The following EFL1 variants were observed in gnomAD, a reference collection of about 807,000 sequenced individuals.
The protein encoded by EFL1 is elongation factor-like GTPase 1.
In EFL1, 76 loss-of-function variants were observed where a neutral mutation model predicts 126.7. The observed-to-expected ratio is 0.60, with a 90% CI of 0.50 to 0.73. The LOEUF (loss-of-function observed/expected upper bound fraction) is 0.73. Ranked by LOEUF, EFL1 falls within the 30% of genes least tolerant of loss-of-function variation. The pLI, the probability that EFL1 is intolerant of heterozygous loss-of-function variation, is 0.00. For missense variants in EFL1, 1,128 were observed against 1,343.2 expected, an observed-to-expected ratio of 0.84 and a Z score of 2.50; for synonymous variants, 410 against 448.4, an observed-to-expected ratio of 0.91 and a Z score of 1.08.
intron 19 of EFL1, among the ~76,000 whole-genome samples, chr15:82,132,685 G>GA (rs1441481622): frequency 3.7e-5 from 4 of 109,302 alleles, no homozygotes; most frequent in Non-Finnish European, 8.1e-5. Flanking sequence ...AGGAATTGGG[G>GA]GGGGGGGGGG....
intron 19 of EFL1, among the ~76,000 whole-genome samples, 198 bp from the exon 20 acceptor site, chr15:82,130,759 G>A (rs1376631741): frequency 6.6e-6 from 1 of 152,188 alleles, no homozygotes; most frequent in African/African-American, 2.4e-5. Flanking sequence ...AGCACTTTGG[G>A]AGCCAAGGCA....
chr15:82,133,813 GT>G (rs1189023592), intron 19 of EFL1, among the ~76,000 whole-genome samples: 4 of 152,186 alleles, frequency 2.6e-5, no homozygotes, highest in Non-Finnish European at 4.4e-5. Context: ...GGTGGTGTCT[GT>G]TTCCTCATAT....
rs1365078475 is a variant in EFL1 at position 82,252,005 on chromosome 15, C to T, written c.244+686G>A. On this transcript the variant is annotated intron_variant, in intron 4 of 19. Transcript: ENST00000268206. ...TGCATATATAATATATTTTTATTAC[C>T]TAAACACATTCATATCTTACAAAAA... is the stretch of plus-strand genomic sequence containing the variant. Among the ~76,000 whole-genome samples, 5 of 152,048 alleles carry T rather than the reference C, an allele frequency of 3.3e-5. No individual in the cohort carries two copies. The South Asian group carries it at 1.0e-3, about 32-fold the overall frequency.
chr15:82,249,823 T>A (rs575851507), intron 4 of EFL1, among the ~76,000 whole-genome samples: 4 of 152,246 alleles, frequency 2.6e-5, no homozygotes, highest in Admixed American at 1.3e-4. Context: ...AATGCTGAGA[T>A]AGTGTATGAC....
chr15:82,214,235 T>C (rs561468038), intron 15 of EFL1, among the ~76,000 whole-genome samples: 3 of 152,300 alleles, frequency 2.0e-5, no homozygotes, highest in African/African-American at 7.2e-5. Flanking sequence ...AGTGATAACA[T>C]TAAGGAGATG....
At chr15:82,137,717 A>C (rs1467164194) in intron 19 of EFL1, among the ~76,000 whole-genome samples, 2 of 152,226 alleles carry the variant, frequency 1.3e-5, no homozygotes, top group Non-Finnish European at 2.9e-5. Flanking sequence ...ATAACAACAA[A>C]AACTGCTTTC....
rs72749565 is a variant in EFL1 at position 82,191,036 on chromosome 15, G to T, written c.1750+23681C>A. ...ATCCCTACTGTAATAAAAAAAAAAG[G>T]GGGGGGAGTTTATTTTGTCAAGTAA... On this transcript the variant is annotated intron_variant, in intron 15 of 19. Transcript: ENST00000268206. 7.0e-3 allele frequency among the ~76,000 whole-genome samples: 1,053 copies of T among 149,832 alleles called. 10 individuals are homozygous for T. The highest frequency in any genetic ancestry group is 8.3e-3 in the Non-Finnish European group (557 of 66,840).
At chr15:82,142,638 T>G (rs1235985490) in intron 18 of EFL1, among the ~76,000 whole-genome samples, 2 of 152,220 alleles carry the variant, frequency 1.3e-5, no homozygotes. Context: ...AGTGCTCAAC[T>G]GTTAATGACT....
At chr15:82,203,669 C>T (rs571736580) in intron 15 of EFL1, among the ~76,000 whole-genome samples, 3 of 152,312 alleles carry the variant, frequency 2.0e-5, no homozygotes, top group South Asian at 4.1e-4. Flanking sequence ...TGAGCCACCG[C>T]GCCTGGCCAC....
At position 82,221,527 on chromosome 15, in the gene EFL1, C is replaced by G. The variant is rs377074235; in HGVS notation, c.1293-1298G>C. ...GCCTGCTGGACAAGACTTCTCTAGT[C>G]CTAGTATCCAGGACTAGACACTACT... On this transcript the variant is annotated intron_variant, in intron 12 of 19. Transcript: ENST00000268206. 1.8e-3 allele frequency among the ~76,000 whole-genome samples: 267 copies of G among 152,280 alleles called. 1 individual carries two copies. Among genetic ancestry groups the G allele is most frequent in the Non-Finnish European group, 2.8e-3 (192 of 68,014 alleles).
At chr15:82,223,715 T>C (rs1372099414) in intron 12 of EFL1, among the ~76,000 whole-genome samples, 1 of 152,230 alleles carries the variant, frequency 6.6e-6, no homozygotes, top group Non-Finnish European at 1.5e-5. Context: ...CATTTGTTAC[T>C]ACAAGAAATT....
At chr15:82,179,396 GTC>G (rs1232647767) in intron 15 of EFL1, among the ~76,000 whole-genome samples, 1 of 152,028 alleles carries the variant, frequency 6.6e-6, no homozygotes, top group Non-Finnish European at 1.5e-5. Flanking sequence ...AAACAGCACT[GTC>G]TCTGATTGAT....
chr15:82,257,785 T>A (rs2075078863), intron 3 of EFL1, among the ~76,000 whole-genome samples: 1 of 152,254 alleles, frequency 6.6e-6, no homozygotes, highest in Non-Finnish European at 1.5e-5. Context: ...GTTCACTCTT[T>A]GTATTTGTTA....
At chr15:82,201,050 A>G (rs2074462278) in intron 15 of EFL1, among the ~76,000 whole-genome samples, 1 of 152,100 alleles carries the variant, frequency 6.6e-6, no homozygotes, top group Non-Finnish European at 1.5e-5. Context: ...TTATTTTTCT[A>G]TTGTTTGTAG....
At chr15:82,182,668 C>T (rs1650162333) in intron 15 of EFL1, among the ~76,000 whole-genome samples, 1 of 151,662 alleles carries the variant, frequency 6.6e-6, no homozygotes, top group Non-Finnish European at 1.5e-5. Context: ...CTAAAAAATA[C>T]AAAAAAATTA....
intron 16 of EFL1, among the ~76,000 whole-genome samples, chr15:82,159,515 C>G (rs562757841): frequency 1.4e-5 from 2 of 145,890 alleles, no homozygotes; most frequent in South Asian, 4.4e-4. Context: ...ATGGAGACAA[C>G]ATTTTGAAAT....
chr15:82,198,211 A>G (rs1329409099), intron 15 of EFL1, among the ~76,000 whole-genome samples: 1 of 152,164 alleles, frequency 6.6e-6, no homozygotes, highest in African/African-American at 2.4e-5. Flanking sequence ...ATCTCAGTGC[A>G]GTTGTGACCC....
At chr15:82,180,346 G>A (rs2074236570) in intron 15 of EFL1, among the ~76,000 whole-genome samples, 1 of 127,936 alleles carries the variant, frequency 7.8e-6, no homozygotes, top group African/African-American at 3.1e-5. Flanking sequence ...AGCAGTAACT[G>A]CGATTAAACT....
intron 15 of EFL1, among the ~76,000 whole-genome samples, chr15:82,203,262 C>T (rs997439898): frequency 2.6e-5 from 4 of 152,248 alleles, no homozygotes; most frequent in African/African-American, 9.6e-5. Context: ...CATGTCCTCT[C>T]TCAAGACAAC....
Sources: allele counts gnomAD v4.1 joint callset (sites outside exome capture counted in the v4.1 genomes callset), GRCh38; gene constraint gnomAD v4.1.1; transcripts MANE v1.5; gene names NCBI Gene and HGNC (gene_info 2026-07-23, HGNC 2026-07-21).